The following MCF2L variants were observed in gnomAD, a reference collection of about 807,000 sequenced individuals.
MCF2L encodes the protein guanine nucleotide exchange factor DBS.
A neutral mutation model predicts 153.4 loss-of-function variants in MCF2L; 97 were observed. That is an observed-to-expected ratio of 0.63 (90% CI 0.54 to 0.75). MCF2L has a LOEUF of 0.75. Ranked by LOEUF, MCF2L falls within the 30% of genes least tolerant of loss-of-function variation. The pLI is 0.00. For synonymous variants in MCF2L, 659 were observed against 632.2 expected, an observed-to-expected ratio of 1.04 and a Z score of -0.64; for missense variants, 1,347 against 1,495.2, an observed-to-expected ratio of 0.90 and a Z score of 1.64.
intron 2 of MCF2L, among the ~76,000 whole-genome samples, chr13:112,923,420 C>T (rs533203764): frequency 5.9e-5 from 9 of 151,758 alleles, no homozygotes; most frequent in African/African-American, 9.7e-5. Flanking sequence ...CCCGCCACCA[C>T]GCCTGGCTAA....
rs1222025017 is a variant in MCF2L at position 112,951,025 on chromosome 13, A to G, written c.169+48654A>G. On this transcript the variant is annotated intron_variant, in intron 2 of 29. Coordinates refer to the MCF2L transcript ENST00000375608. The surrounding 1 kb of genome is among the most constrained non-coding windows in gnomAD (Gnocchi z 4.8). ...AATCTCAAATCTCACCAGTACAAAA[A>G]CAAACAATTCGCTTAGAAAATGGGC... Among the ~76,000 whole-genome samples the G allele has an allele frequency of 1.3e-5, 2 of 152,240 alleles. No individual in the cohort carries two copies. Among genetic ancestry groups the G allele is most frequent in the Non-Finnish European group, 2.9e-5 (2 of 68,044 alleles).
chr13:113,013,866 C>T (rs540649636), intron 1 of MCF2L, among the ~76,000 whole-genome samples: 13 of 152,356 alleles, frequency 8.5e-5, no homozygotes, highest in African/African-American at 2.9e-4. Flanking sequence ...ACCAGCCTGT[C>T]AGTCCGTACA....
At position 113,045,148 on chromosome 13, in the gene MCF2L, G is replaced by A. The variant is rs746457150; in HGVS notation, c.279-123G>A. 7.4e-5 allele frequency: 71 copies of A among 960,062 alleles called. No homozygotes were observed. The highest frequency in any genetic ancestry group is 1.1e-4 in the Non-Finnish European group (67 of 600,084). The allele number at this position is 960,062 out of a possible 1,614,324, so 59.5% of individuals were successfully genotyped here. A position where few individuals can be genotyped will look rare whatever the true frequency, so the allele number is the denominator to read the frequency against. ...CCCCGTGTGCCATGCCTCTCACCTG[G>A]TATTGCAGAAATGGCATCATGAATA... On this transcript the variant is annotated intron_variant, in intron 3 of 29. Transcript: ENST00000535094. The surrounding 1 kb of genome is among the most constrained non-coding windows in gnomAD (Gnocchi z 4.2).
At position 113,070,021 on chromosome 13, in the gene MCF2L, G is replaced by T; in HGVS notation, c.882-38G>T. On this transcript the variant is annotated intron_variant, in intron 8 of 29. Transcript: ENST00000535094. This position sits in a 1 kb window ranked among gnomAD's most constrained non-coding sequence, Gnocchi z 5.6. ...CGCGCTCCACGTTGCATGGGGCGCC[G>T]TGGGCCACACAGACGGTCAACTCCT... The T allele has an allele frequency of 6.7e-7, 1 of 1,490,960 alleles. No individual in the cohort carries two copies. The highest frequency in any genetic ancestry group is 9.3e-7 in the Non-Finnish European group (1 of 1,079,708). 92.4% of individuals were successfully genotyped at this position (1,490,960 alleles called of 1,614,324 possible).
Position 112,915,869 on chromosome 13 carries a change from TTTG to T in MCF2L, c.169+13519_169+13521del, listed in dbSNP as rs533153029. ...CTGGCCTTCAGGCTGAGATGGGTAC[TTTG>T]TTGTTGTTGTTGTTGTTGTTTTAAT... is the stretch of plus-strand genomic sequence containing the variant. On this transcript the variant is annotated intron_variant, in intron 2 of 29. Transcript: ENST00000375608. Among the ~76,000 whole-genome samples the T allele has an allele frequency of 1.7e-4, 26 of 152,008 alleles. 1 individual carries two copies. Among genetic ancestry groups the T allele is most frequent in the East Asian group, 9.7e-4 (5 of 5,166 alleles).
At chr13:113,084,129 A>T in intron 18 of MCF2L, 62 bp downstream of exon 18, 1 of 1,305,890 alleles carries the variant, frequency 7.7e-7, no homozygotes, top group Non-Finnish European at 1.1e-6. Flanking sequence ...TAATGACTTC[A>T]GATTCTACTG....
intron 26 of MCF2L, among the ~76,000 whole-genome samples, chr13:113,092,392 GCCCGTGGGTC>G (rs2035293083): frequency 1.3e-5 from 2 of 152,196 alleles, no homozygotes; most frequent in Non-Finnish European, 2.9e-5. Flanking sequence ...CCGGGCCACT[GCCCGTGGGTC>G]ATTTCCACCG....
chr13:112,907,169 G>A lies in MCF2L; in HGVS notation c.169+4798G>A, dbSNP rs1367248792. Among the ~76,000 whole-genome samples, 5 of 152,150 alleles carry A rather than the reference G, an allele frequency of 3.3e-5. No individual in the cohort carries two copies. The highest frequency in any genetic ancestry group is 9.7e-5 in the African/African-American group (4 of 41,436). The stretch of plus-strand genomic sequence containing the variant: ...GGACCTTGTCTCCACCTGGGGGCAC[G>A]CGGGAGGGTTGGGAAGCACTTCGGG... On this transcript the variant is annotated intron_variant, in intron 2 of 29. Coordinates refer to the MCF2L transcript ENST00000375608. This position sits in a 1 kb window ranked among gnomAD's most constrained non-coding sequence, Gnocchi z 5.1.
chr13:113,019,770 G>T (rs9604011), intron 2 of MCF2L, among the ~76,000 whole-genome samples: 2 of 152,164 alleles, frequency 1.3e-5, no homozygotes, highest in Admixed American at 6.5e-5. Context: ...GAGCTCCCAG[G>T]TGGGATCAGA....
At chr13:112,995,420 A>G (rs1358854546) in intron 1 of MCF2L, among the ~76,000 whole-genome samples, 1 of 152,230 alleles carries the variant, frequency 6.6e-6, no homozygotes, top group Non-Finnish European at 1.5e-5. Context: ...AGCATCCAGT[A>G]TACAGTTGTG....
At chr13:112,913,059 A>G (rs551392226) in intron 2 of MCF2L, among the ~76,000 whole-genome samples, 37 of 136,206 alleles carry the variant, frequency 2.7e-4, no homozygotes, top group African/African-American at 1.0e-3. Flanking sequence ...GTATCTGTGT[A>G]TATGGGGTGT....
intron 3 of MCF2L, among the ~76,000 whole-genome samples, chr13:113,036,180 G>A (rs573832635): frequency 1.4e-3 from 206 of 152,272 alleles, no homozygotes; most frequent in Non-Finnish European, 2.4e-3. Context: ...TTCTGAGTTC[G>A]CAGTTGGCCA....
chr13:112,945,004 T>TA (rs1170055562), intron 2 of MCF2L, among the ~76,000 whole-genome samples: 30 of 150,606 alleles, frequency 2.0e-4, no homozygotes, highest in African/African-American at 7.3e-4. Context: ...CACCACTATT[T>TA]TTTTTTTTTT....
intron 2 of MCF2L, among the ~76,000 whole-genome samples, chr13:112,952,271 G>A (rs1200470041): frequency 6.6e-6 from 1 of 152,186 alleles, no homozygotes; most frequent in Non-Finnish European, 1.5e-5. Flanking sequence ...CTCTCTGTGA[G>A]CCTGGACTGA....
At chr13:113,006,246 C>T (rs758351175) in intron 1 of MCF2L, among the ~76,000 whole-genome samples, 9 of 152,218 alleles carry the variant, frequency 5.9e-5, no homozygotes, top group Admixed American at 2.0e-4. Flanking sequence ...CTGGAGCAGA[C>T]GGCGTGGGCT....
rs1267328566 is a variant in MCF2L at position 113,045,637 on chromosome 13, A to C, written c.369+276A>C. On this transcript the variant is annotated intron_variant, in intron 4 of 29. Coordinates refer to ENST00000535094, the MANE Select transcript of MCF2L (RefSeq NM_001112732.3). This position sits in a 1 kb window ranked among gnomAD's most constrained non-coding sequence, Gnocchi z 4.2. ...GGCAGAGCAGCCCATATGTTTCCGA[A>C]CACCAAGTCTGAGATGCTCGGGACT... 3 of 513,772 alleles carry C rather than the reference A, an allele frequency of 5.8e-6. No individual in the cohort carries two copies. The highest frequency in any genetic ancestry group is 5.7e-5 in the African/African-American group (3 of 52,598). 31.8% of individuals were successfully genotyped at this position (513,772 alleles called of 1,614,324 possible).
exon 2 of MCF2L, chr13:112,902,367 C>A: frequency 6.2e-7 from 1 of 1,612,188 alleles, no homozygotes; most frequent in Non-Finnish European, 8.5e-7. Flanking sequence ...CGGCCATGGC[C>A]ACAGGTAGGC....
intron 1 of MCF2L, among the ~76,000 whole-genome samples, chr13:112,994,614 G>A (rs1027447050): frequency 1.3e-5 from 2 of 152,252 alleles, no homozygotes; most frequent in African/African-American, 2.4e-5. Flanking sequence ...ACAGCTGGGC[G>A]CGGTGACCAA....
chr13:112,937,111 T>C (rs2081522911), intron 2 of MCF2L, among the ~76,000 whole-genome samples: 1 of 152,222 alleles, frequency 6.6e-6, no homozygotes, highest in African/African-American at 2.4e-5. Flanking sequence ...TGGAGTACAG[T>C]GGCTCGATCA....
Sources: allele counts gnomAD v4.1 joint callset (sites outside exome capture counted in the v4.1 genomes callset), GRCh38; gene constraint gnomAD v4.1.1; non-coding constraint Gnocchi (gnomAD v3.1); transcripts MANE v1.5; gene names NCBI Gene and HGNC (gene_info 2026-07-23, HGNC 2026-07-21).